NRG3: variants seen among roughly 807,000 people sequenced by gnomAD.
NRG3 encodes pro-neuregulin-3, membrane-bound isoform.
NRG3 carries 31 observed loss-of-function variants against 66.9 expected under a neutral mutation model. The ratio of observed to expected loss-of-function variants is 0.46; its 90% CI spans 0.35 to 0.63. The LOEUF (loss-of-function observed/expected upper bound fraction) is 0.63, where lower values mean the gene tolerates loss of function less well. Among genes scored for constraint, NRG3 ranks in the 20% least tolerant of loss-of-function variants. The probability of loss-of-function intolerance (pLI) is 0.00; values close to 1 mark genes in which losing one functional copy is unlikely to be tolerated. For synonymous variants in NRG3, 393 were observed against 359.4 expected (o/e 1.09, Z -1.06); for missense variants, 910 against 878.9 (o/e 1.04, Z -0.45).
At chr10:82,710,205 A>G (rs1476684000) in intron 2 of NRG3, among the ~76,000 whole-genome samples, 1 of 152,166 alleles carries the variant, frequency 6.6e-6, no homozygotes, top group Non-Finnish European at 1.5e-5. Flanking sequence ...AGATCATAGG[A>G]TATGTGCACA....
At chr10:82,480,675 T>A (rs745520082) in intron 2 of NRG3, among the ~76,000 whole-genome samples, 2 of 152,220 alleles carry the variant, frequency 1.3e-5, no homozygotes, top group Non-Finnish European at 2.9e-5. Context: ...CCACACGTAT[T>A]CATACAGCCC....
chr10:82,456,137 C>CTTT (rs147759240), intron 2 of NRG3, among the ~76,000 whole-genome samples: 8 of 88,808 alleles, frequency 9.0e-5, no homozygotes, highest in Admixed American at 2.7e-4. Flanking sequence ...TTTTCTGTCA[C>CTTT]TTTTTTTTTT....
chr10:82,531,740 G>A (rs866658179), intron 2 of NRG3, among the ~76,000 whole-genome samples: 10 of 151,878 alleles, frequency 6.6e-5, no homozygotes, highest in Admixed American at 1.3e-4. Flanking sequence ...TTAAAATAAC[G>A]TATTTTCACC....
At chr10:82,063,560 G>A (rs957758987) in intron 1 of NRG3, among the ~76,000 whole-genome samples, 22 of 147,482 alleles carry the variant, frequency 1.5e-4, no homozygotes, top group African/African-American at 5.0e-4. Context: ...ATAGTCAATC[G>A]GTGCCCTTAA....
intron 1 of NRG3, among the ~76,000 whole-genome samples, chr10:82,214,250 C>G (rs1564670799): frequency 6.6e-6 from 1 of 152,014 alleles, no homozygotes; most frequent in Admixed American, 6.6e-5. Flanking sequence ...GGAGAAGGGA[C>G]CAAGCCTCCC....
At chr10:82,693,085 C>T (rs1004214870) in intron 2 of NRG3, among the ~76,000 whole-genome samples, 8 of 152,138 alleles carry the variant, frequency 5.3e-5, no homozygotes, top group African/African-American at 1.9e-4. Flanking sequence ...TCTTGTTTTT[C>T]ACAATTAATT....
At chr10:82,114,623 A>G (rs117785424) in intron 1 of NRG3, among the ~76,000 whole-genome samples, 1,962 of 152,230 alleles carry the variant, frequency 0.013, 18 homozygotes, top group Non-Finnish European at 0.019. Context: ...AGCTATTGCC[A>G]TTGTTCGGGA....
chr10:82,072,469 A>G (rs2064862732), intron 1 of NRG3, among the ~76,000 whole-genome samples: 1 of 152,198 alleles, frequency 6.6e-6, no homozygotes, highest in African/African-American at 2.4e-5. Flanking sequence ...GTATACATAA[A>G]CTAAAAGAGA....
At chr10:82,637,928 AAT>A (rs1491362051) in intron 2 of NRG3, among the ~76,000 whole-genome samples, 1 of 91,886 alleles carries the variant, frequency 1.1e-5, no homozygotes, top group African/African-American at 4.1e-5. Context: ...TGTATAAAAA[AAT>A]GTCCTCATTT....
intron 1 of NRG3, among the ~76,000 whole-genome samples, chr10:81,911,029 A>T (rs913305910): frequency 1.3e-5 from 2 of 152,090 alleles, no homozygotes; most frequent in Non-Finnish European, 2.9e-5. Flanking sequence ...AGTGGAACTT[A>T]TCCTTGGAAT....
At chr10:82,014,196 T>C (rs1042365780) in intron 1 of NRG3, among the ~76,000 whole-genome samples, 1 of 152,192 alleles carries the variant, frequency 6.6e-6, no homozygotes, top group African/African-American at 2.4e-5. Flanking sequence ...GTTACTAATA[T>C]GTAGACTGGG....
intron 1 of NRG3, among the ~76,000 whole-genome samples, chr10:81,947,092 T>C (rs1848911613): frequency 6.6e-6 from 1 of 152,118 alleles, no homozygotes; most frequent in Non-Finnish European, 1.5e-5. Context: ...AGGACACTTT[T>C]TTTGTCTCTT....
chr10:82,721,910 G>T (rs963396370), intron 2 of NRG3, among the ~76,000 whole-genome samples: 14 of 149,740 alleles, frequency 9.3e-5, no homozygotes, highest in African/African-American at 3.5e-4. Context: ...TAGTGACTTT[G>T]ATATTGCCAC....
In NRG3 at chr10:82,795,694, T is replaced by G. The variant is rs116649946; in HGVS notation, c.1027+57044T>G. ...AAAAATGGAAATCTAGTAAGCATCA[T>G]ATTACCTCAGGTTACTTTTTTTAAA... On this transcript the variant is annotated intron_variant, in intron 3 of 8. Coordinates refer to ENST00000372141, the MANE Select transcript of NRG3 (RefSeq NM_001010848.4). Among the ~76,000 whole-genome samples, 1,047 of 152,294 alleles carry G rather than the reference T, an allele frequency of 6.9e-3. 13 individuals carry two copies. Among genetic ancestry groups the G allele is most frequent in the African/African-American group, 0.024 (1,008 of 41,564 alleles).
chr10:82,386,387 G>T (rs2085990417), intron 2 of NRG3, among the ~76,000 whole-genome samples: 1 of 152,134 alleles, frequency 6.6e-6, no homozygotes, highest in South Asian at 2.1e-4. Context: ...ATATTAAACT[G>T]TTAATTATGT....
intron 1 of NRG3, among the ~76,000 whole-genome samples, chr10:82,104,449 T>C (rs770648100): frequency 1.3e-5 from 2 of 152,152 alleles, no homozygotes; most frequent in Non-Finnish European, 2.9e-5. Context: ...AGCTGTCATT[T>C]AGGAAGCAGG....
chr10:82,743,728 G>A (rs745653404), intron 3 of NRG3, among the ~76,000 whole-genome samples: 1 of 152,136 alleles, frequency 6.6e-6, no homozygotes, highest in South Asian at 2.1e-4. Context: ...AAAAAATTGA[G>A]AACAGCCTGG....
At chr10:82,758,931 A>G (rs546349436) in intron 3 of NRG3, among the ~76,000 whole-genome samples, 1 of 152,138 alleles carries the variant, frequency 6.6e-6, no homozygotes, top group East Asian at 1.9e-4. Flanking sequence ...AAAATAGACC[A>G]TCACCACCCA....
At chr10:82,771,439 T>G (rs1243833249) in intron 3 of NRG3, among the ~76,000 whole-genome samples, 1 of 152,110 alleles carries the variant, frequency 6.6e-6, no homozygotes, top group African/African-American at 2.4e-5. Flanking sequence ...AGGGTTCCAT[T>G]CTGGTGTATG....
Sources: allele counts gnomAD v4.1 joint callset (sites outside exome capture counted in the v4.1 genomes callset), GRCh38; gene constraint gnomAD v4.1.1; transcripts MANE v1.5; gene names NCBI Gene and HGNC (gene_info 2026-07-23, HGNC 2026-07-21).